Variants in CFAP299 observed in about 807,000 individuals in gnomAD.
The protein encoded by CFAP299 is cilia- and flagella-associated protein 299.
Under a neutral mutation model 27.0 loss-of-function variants are expected in CFAP299, and 21 were observed. That is an observed-to-expected ratio of 0.78 (90% confidence interval 0.55 to 1.12). The LOEUF (loss-of-function observed/expected upper bound fraction) is 1.12. CFAP299 is among the 50% of genes most tolerant of loss of function. CFAP299 has a pLI of 0.00. For synonymous variants in CFAP299, 104 were observed against 98.1 expected (o/e 1.06, Z -0.36); for missense variants, 310 against 276.6 (o/e 1.12, Z -0.86).
At chr4:80,431,367 C>CT (rs1727807256) in intron 2 of CFAP299, among the ~76,000 whole-genome samples, 1 of 34,520 alleles carries the variant, frequency 2.9e-5, no homozygotes. Flanking sequence ...CTCCATCTCT[C>CT]CCCCCTTCCT....
chr4:80,461,203 C>T (rs1314795776), intron 2 of CFAP299, among the ~76,000 whole-genome samples: 1 of 152,034 alleles, frequency 6.6e-6, no homozygotes, highest in Non-Finnish European at 1.5e-5. Flanking sequence ...CGTTAGAGCT[C>T]TTAGCAGAAC....
At chr4:80,838,538 CT>C (rs561958966) in intron 3 of CFAP299, among the ~76,000 whole-genome samples, 22 of 151,906 alleles carry the variant, frequency 1.4e-4, no homozygotes, top group Non-Finnish European at 2.9e-4. Flanking sequence ...CCATTGCTTG[CT>C]TTTTGTCAGG....
intron 2 of CFAP299, among the ~76,000 whole-genome samples, chr4:80,457,445 C>G (rs191553266): frequency 3.5e-4 from 53 of 152,196 alleles, no homozygotes; most frequent in Middle Eastern, 3.4e-3. Context: ...CAGGAGCAGC[C>G]CTCAGCTTCC....
chr4:80,959,109 C>T (rs906425163), intron 5 of CFAP299, among the ~76,000 whole-genome samples: 2 of 152,020 alleles, frequency 1.3e-5, no homozygotes, highest in East Asian at 1.9e-4. Flanking sequence ...GATAATAAAG[C>T]CACTGCAAAA....
At chr4:80,689,376 G>C (rs1486419031) in intron 3 of CFAP299, among the ~76,000 whole-genome samples, 1 of 152,172 alleles carries the variant, frequency 6.6e-6, no homozygotes, top group Non-Finnish European at 1.5e-5. Flanking sequence ...GAACAGAGTG[G>C]GGGCCAATAT....
intron 3 of CFAP299, among the ~76,000 whole-genome samples, chr4:80,847,209 C>G (rs911967461): frequency 6.6e-6 from 1 of 152,200 alleles, no homozygotes; most frequent in Non-Finnish European, 1.5e-5. Flanking sequence ...CCTGCTCTAC[C>G]CAGGAAGGCT....
intron 2 of CFAP299, among the ~76,000 whole-genome samples, chr4:80,484,264 T>A (rs527497932): frequency 1.3e-5 from 2 of 152,260 alleles, no homozygotes; most frequent in South Asian, 2.1e-4. Flanking sequence ...ATATAACTTT[T>A]AAAAATTATT....
At chr4:80,417,902 G>C (rs977994606) in intron 2 of CFAP299, among the ~76,000 whole-genome samples, 1 of 151,986 alleles carries the variant, frequency 6.6e-6, no homozygotes, top group Non-Finnish European at 1.5e-5. Flanking sequence ...CTCCCTTCCA[G>C]AGGAAAAAGC....
Position 80,944,956 on chromosome 4 carries a change from A to G in CFAP299, c.606+17A>G. 6.2e-7 allele frequency: 1 copy of G among 1,604,772 alleles called. No homozygotes were observed. Among genetic ancestry groups the G allele is most frequent in the Admixed American group, 1.7e-5 (1 of 58,788 alleles). ...GACCCAAAGGTAATTCTTCTTTTAC[A>G]CTTAGTTAGTTACCTCTTCACATGT... is the stretch of plus-strand genomic sequence containing the variant. On this transcript the variant is annotated intron_variant, in intron 5 of 5. Coordinates refer to ENST00000358105, the MANE Select transcript of CFAP299 (RefSeq NM_152770.3).
At chr4:80,342,705 C>G (rs1051080587) in intron 1 of CFAP299, among the ~76,000 whole-genome samples, 5 of 152,180 alleles carry the variant, frequency 3.3e-5, no homozygotes, top group Admixed American at 2.6e-4. Context: ...TTACCAGCCA[C>G]TACAAAAACA....
Position 80,507,323 on chromosome 4 carries a change from G to T in CFAP299, c.243-75770G>T, listed in dbSNP as rs12650570. Reference sequence around the variant, plus strand: ...AGTGATAAGAACATTCTATGGGGGCGTCACATGGTCTTACTACTCCATCTG... The same window carrying T: ...AGTGATAAGAACATTCTATGGGGGCTTCACATGGTCTTACTACTCCATCTG... On this transcript the variant is annotated intron_variant, in intron 2 of 5. Coordinates refer to ENST00000358105, the MANE Select transcript of CFAP299 (RefSeq NM_152770.3). Among the ~76,000 whole-genome samples the T allele has an allele frequency of 2.0e-5, 3 of 151,912 alleles. No individual in the cohort carries two copies. In the East Asian group the frequency reaches 5.8e-4, roughly 29 times the overall value.
chr4:80,839,100 GA>G, intron 3 of CFAP299, among the ~76,000 whole-genome samples: 1 of 152,232 alleles, frequency 6.6e-6, no homozygotes, highest in South Asian at 2.1e-4. Flanking sequence ...CCTTTTATGT[GA>G]ATTAAAGGTT....
the CFAP299 span, among the ~76,000 whole-genome samples, chr4:80,321,431 G>A: frequency 2.6e-5 from 4 of 152,214 alleles, 1 homozygote; most frequent in African/African-American, 9.6e-5. Context: ...AAAATTCAGG[G>A]GAGATGCGGT....
At chr4:80,711,366 A>C (rs1382510398) in intron 3 of CFAP299, among the ~76,000 whole-genome samples, 1 of 152,190 alleles carries the variant, frequency 6.6e-6, no homozygotes, top group African/African-American at 2.4e-5. Context: ...GGACAGTGTG[A>C]GAGAGCTAGT....
At chr4:80,447,136 T>G (rs1221307467) in intron 2 of CFAP299, among the ~76,000 whole-genome samples, 11 of 108,900 alleles carry the variant, frequency 1.0e-4, no homozygotes, top group African/African-American at 4.4e-4. Flanking sequence ...TTTTGTTTTT[T>G]TTTTTTTTTT....
At chr4:80,402,404 A>G (rs1212622760) in intron 2 of CFAP299, among the ~76,000 whole-genome samples, 1 of 152,144 alleles carries the variant, frequency 6.6e-6, no homozygotes, top group Non-Finnish European at 1.5e-5. Context: ...TTCCCATGCT[A>G]TTCTCATGAT....
upstream of CFAP299, among the ~76,000 whole-genome samples, chr4:80,334,381 G>T (rs887607038): frequency 1.3e-5 from 2 of 152,088 alleles, no homozygotes; most frequent in African/African-American, 2.4e-5. Context: ...GATATAGGAG[G>T]ATTCTTCTGC....
intron 2 of CFAP299, among the ~76,000 whole-genome samples, chr4:80,514,555 C>A (rs1488048765): frequency 2.0e-5 from 3 of 151,938 alleles, no homozygotes; most frequent in Non-Finnish European, 4.4e-5. Context: ...AAGCCCTTAC[C>A]AAATAAAAAT....
chr4:80,482,611 G>C (rs1179923054), intron 2 of CFAP299, among the ~76,000 whole-genome samples: 1 of 152,120 alleles, frequency 6.6e-6, no homozygotes, highest in African/African-American at 2.4e-5. Flanking sequence ...ATTGTTTTCA[G>C]TGATGGAATA....
Sources: allele counts gnomAD v4.1 joint callset (sites outside exome capture counted in the v4.1 genomes callset), GRCh38; gene constraint gnomAD v4.1.1; transcripts MANE v1.5; gene names NCBI Gene and HGNC (gene_info 2026-07-23, HGNC 2026-07-21).